Variants in AFAP1L2 observed in about 807,000 individuals in gnomAD.
The protein encoded by AFAP1L2 is actin filament-associated protein 1-like 2.
In AFAP1L2, 46 loss-of-function variants were observed where a neutral mutation model predicts 99.3. The observed-to-expected ratio is 0.46, with a 90% CI of 0.37 to 0.59. AFAP1L2 has a LOEUF of 0.59. Ranked by LOEUF, AFAP1L2 falls within the 20% of genes least tolerant of loss-of-function variation. The pLI is 0.00. For missense variants in AFAP1L2, 959 were observed against 1,034.9 expected (o/e 0.93, Z 1.01); for synonymous variants, 397 against 419.1 (o/e 0.95, Z 0.64).
At chr10:114,290,276 C>T (rs112771171), downstream of AFAP1L2, 189 of 1,550,428 alleles carry the variant, frequency 1.2e-4, no homozygotes, top group Admixed American at 1.6e-4. Flanking sequence ...AAACCCAGCC[C>T]GTGCATGAAT....
At chr10:114,400,717 T>C (rs2058151972) in intron 1 of AFAP1L2, among the ~76,000 whole-genome samples, 1 of 152,204 alleles carries the variant, frequency 6.6e-6, no homozygotes, top group African/African-American at 2.4e-5. Flanking sequence ...TGGAGGAAAT[T>C]TGGTTCCCAA....
At chr10:114,394,545 C>A (rs78516123) in intron 1 of AFAP1L2, among the ~76,000 whole-genome samples, 2,824 of 151,854 alleles carry the variant, frequency 0.019, 90 homozygotes, top group African/African-American at 0.065. Flanking sequence ...GACCTGGAGA[C>A]CTGAATGGAA....
At chr10:114,373,193 C>T (rs2054349722) in intron 1 of AFAP1L2, among the ~76,000 whole-genome samples, 2 of 152,034 alleles carry the variant, frequency 1.3e-5, no homozygotes, top group Admixed American at 6.5e-5. Flanking sequence ...CAGTGAGCCA[C>T]GATCATGCCG....
At chr10:114,393,080 G>C (rs1050370971) in intron 1 of AFAP1L2, among the ~76,000 whole-genome samples, 8 of 152,182 alleles carry the variant, frequency 5.3e-5, no homozygotes, top group African/African-American at 1.9e-4. Context: ...GCAAGGAGAG[G>C]AGGAAGCAGG....
At chr10:114,351,144 T>A (rs947742731) in intron 1 of AFAP1L2, among the ~76,000 whole-genome samples, 1 of 152,106 alleles carries the variant, frequency 6.6e-6, no homozygotes, top group African/African-American at 2.4e-5. Flanking sequence ...CTGTGTTGGA[T>A]AGGAAAAAAG....
chr10:114,334,965 G>C (rs2047715252), intron 2 of AFAP1L2, among the ~76,000 whole-genome samples: 1 of 152,214 alleles, frequency 6.6e-6, no homozygotes, highest in South Asian at 2.1e-4. Context: ...ACAAAACTCA[G>C]ATACTAGGGG....
chr10:114,378,548 G>C (rs1401963374), intron 1 of AFAP1L2, among the ~76,000 whole-genome samples: 1 of 152,224 alleles, frequency 6.6e-6, no homozygotes, highest in African/African-American at 2.4e-5. Flanking sequence ...ATTTCTGCGT[G>C]AGAAATGGTC....
At chr10:114,319,013 T>G (rs2044640491) in intron 5 of AFAP1L2, among the ~76,000 whole-genome samples, 1 of 151,312 alleles carries the variant, frequency 6.6e-6, no homozygotes, top group African/African-American at 2.4e-5. Context: ...AATTAGCCGG[T>G]CATGGTGATG....
In AFAP1L2 at chr10:114,304,813, C is replaced by G; in HGVS notation, c.1190G>C (p.Ser397Thr). Reference protein sequence around the residue: ...NRSKVAQQPLSLVGCEVVPDP... With the variant: ...NRSKVAQQPLTLVGCEVVPDP... ...TGGGACCACCTCGCAGCCCACCAGG[C>G]TGAGGGGTTGCTGGGCCACCTTGCT... The change falls in exon 11 of 19, where the codon AGC (serine) becomes ACC (threonine). Residue 397 changes from serine to threonine, a missense_variant. Coordinates refer to ENST00000304129, the MANE Select transcript of AFAP1L2 (RefSeq NM_001001936.3). The G allele has an allele frequency of 6.2e-7, 1 of 1,613,384 alleles. No homozygotes were observed. Among genetic ancestry groups the G allele is most frequent in the Non-Finnish European group, 8.5e-7 (1 of 1,180,016 alleles).
chr10:114,384,798 T>C (rs905181510), intron 1 of AFAP1L2, among the ~76,000 whole-genome samples: 1 of 152,216 alleles, frequency 6.6e-6, no homozygotes, highest in South Asian at 2.1e-4. Flanking sequence ...TGATCCTCCA[T>C]GTGCCCACAG....
At chr10:114,331,498 G>GTTCA (rs1468339307) in intron 4 of AFAP1L2, among the ~76,000 whole-genome samples, 1 of 152,152 alleles carries the variant, frequency 6.6e-6, no homozygotes, top group Non-Finnish European at 1.5e-5. Flanking sequence ...GTCTAGGCTG[G>GTTCA]TGACCACAGC....
chr10:114,343,672 A>C (rs573535574), intron 1 of AFAP1L2, among the ~76,000 whole-genome samples: 1 of 152,324 alleles, frequency 6.6e-6, no homozygotes, highest in South Asian at 2.1e-4. Context: ...GCAGACAGAG[A>C]AGCATCGGCG....
the AFAP1L2 span, chr10:114,281,561 G>A: frequency 5.5e-6 from 1 of 180,650 alleles, no homozygotes. Flanking sequence ...AGGAATGGTG[G>A]CTGCTGTGTT....
chr10:114,383,518 A>G (rs2137535644), intron 1 of AFAP1L2, among the ~76,000 whole-genome samples: 1 of 152,348 alleles, frequency 6.6e-6, no homozygotes, highest in South Asian at 2.1e-4. Flanking sequence ...TTCATATTCT[A>G]TGTTACAAAT....
chr10:114,317,957 T>A (rs1590101004), intron 5 of AFAP1L2, among the ~76,000 whole-genome samples: 1 of 152,230 alleles, frequency 6.6e-6, no homozygotes, highest in African/African-American at 2.4e-5. Context: ...AAGTAAAGCA[T>A]GATTTTACCC....
chr10:114,294,770 C>T (rs2039923583), downstream of AFAP1L2: 1 of 938,702 alleles, frequency 1.1e-6, no homozygotes. Flanking sequence ...AACATTTCCT[C>T]CCTTGAGAAC....
At chr10:114,340,856 G>T in intron 1 of AFAP1L2, 125 bp from the exon 2 acceptor site, 1 of 1,403,240 alleles carries the variant, frequency 7.1e-7, no homozygotes, top group Non-Finnish European at 1.0e-6. Context: ...AGGGTTTGGT[G>T]TGAGGTCTGG....
intron 1 of AFAP1L2, among the ~76,000 whole-genome samples, chr10:114,341,620 A>G (rs1681360751): frequency 6.6e-6 from 1 of 150,414 alleles, no homozygotes; most frequent in African/African-American, 2.4e-5. Flanking sequence ...TCAAAAAAAA[A>G]AAAGAAAAGA....
At chr10:114,335,911 T>C (rs987692591) in intron 2 of AFAP1L2, among the ~76,000 whole-genome samples, 1 of 152,152 alleles carries the variant, frequency 6.6e-6, no homozygotes, top group African/African-American at 2.4e-5. Context: ...ATAATGCTGA[T>C]AAGGATCAGA....
Sources: allele counts gnomAD v4.1 joint callset (sites outside exome capture counted in the v4.1 genomes callset), GRCh38; gene constraint gnomAD v4.1.1; transcripts MANE v1.5; gene names NCBI Gene and HGNC (gene_info 2026-07-23, HGNC 2026-07-21).